Variants in CTNNA2 observed in about 807,000 individuals in gnomAD.
CTNNA2 encodes catenin alpha-2.
CTNNA2 carries 42 observed loss-of-function variants against 101.0 expected under a neutral mutation model. The ratio of observed to expected loss-of-function variants is 0.42; its 90% confidence interval spans 0.32 to 0.54. CTNNA2 has a LOEUF of 0.54. Among genes scored for constraint, CTNNA2 ranks in the 20% least tolerant of loss-of-function variants. The probability of loss-of-function intolerance (pLI) is 0.14; values close to 1 mark genes in which losing one functional copy is unlikely to be tolerated. For synonymous variants in CTNNA2, 450 were observed against 456.4 expected (o/e 0.99, Z 0.18); for missense variants, 871 against 1,223.1 (o/e 0.71, Z 4.29).
At chr2:79,812,701 T>A (rs1323166302) in intron 3 of CTNNA2, among the ~76,000 whole-genome samples, 1 of 152,060 alleles carries the variant, frequency 6.6e-6, no homozygotes, top group Non-Finnish European at 1.5e-5. Flanking sequence ...TATCTAGCAG[T>A]GATATTTGTA....
intron 7 of CTNNA2, among the ~76,000 whole-genome samples, chr2:80,243,222 CT>C (rs1173841317): frequency 5.3e-5 from 8 of 152,148 alleles, no homozygotes; most frequent in Non-Finnish European, 2.9e-5. Context: ...CTGTGTCTTC[CT>C]TTTTCTTCTA....
At chr2:80,606,584 A>T (rs922606959) in intron 16 of CTNNA2, among the ~76,000 whole-genome samples, 1 of 151,894 alleles carries the variant, frequency 6.6e-6, no homozygotes, top group African/African-American at 2.4e-5. Flanking sequence ...CTTCAGAAAA[A>T]AATGTTATCA....
At position 79,411,605 on chromosome 2, in the gene CTNNA2, A is replaced by G. The variant is rs1678411735; in HGVS notation, c.-135+37592A>G. ...GGGCCAATATTCAACATTCTTAAAGAAAAGAATTTTCAACCCAGAATTTCA... is the reference window on the plus strand; with the variant it reads ...GGGCCAATATTCAACATTCTTAAAGGAAAGAATTTTCAACCCAGAATTTCA... On this transcript the variant is annotated intron_variant, in intron 4 of 21. Transcript: ENST00000466387. Among the ~76,000 whole-genome samples, 4 of 152,098 alleles carry G rather than the reference A, an allele frequency of 2.6e-5. No homozygotes were observed. The South Asian group carries it at 8.3e-4, about 31-fold the overall frequency.
At chr2:79,871,901 G>A (rs2104037724) in intron 5 of CTNNA2, among the ~76,000 whole-genome samples, 1 of 152,272 alleles carries the variant, frequency 6.6e-6, no homozygotes, top group East Asian at 1.9e-4. Context: ...ATATGAAAAT[G>A]CCTACATTAT....
chr2:80,247,993 A>G (rs2149101253), intron 7 of CTNNA2, among the ~76,000 whole-genome samples: 1 of 150,280 alleles, frequency 6.7e-6, no homozygotes, highest in South Asian at 2.1e-4. Flanking sequence ...TAAAATTGGT[A>G]CCTCTATCAT....
At position 80,122,136 on chromosome 2, in the gene CTNNA2, T is replaced by C. The variant is rs1189569625; in HGVS notation, c.1056+212339T>C. 2.0e-5 allele frequency among the ~76,000 whole-genome samples: 3 copies of C among 152,036 alleles called. No individual in the cohort carries two copies. In the East Asian group the frequency reaches 5.8e-4, roughly 30 times the overall value. On this transcript the variant is annotated intron_variant, in intron 7 of 18. Coordinates refer to ENST00000402739, the MANE Select transcript of CTNNA2 (RefSeq NM_001282597.3). Reference sequence around the variant, plus strand: ...ACCTTTTTTTCTGTAAGGAATTACGTGGCTCTGGGTTGGAGCTTGGAATCT... The same window carrying C: ...ACCTTTTTTTCTGTAAGGAATTACGCGGCTCTGGGTTGGAGCTTGGAATCT...
intron 7 of CTNNA2, among the ~76,000 whole-genome samples, chr2:79,999,014 T>C (rs1692745616): frequency 1.3e-5 from 2 of 152,194 alleles, no homozygotes; most frequent in South Asian, 4.1e-4. Flanking sequence ...CTACTGTTCC[T>C]GGATGTGTTG....
At chr2:80,552,055 A>G (rs957241127) in intron 11 of CTNNA2, among the ~76,000 whole-genome samples, 2 of 152,264 alleles carry the variant, frequency 1.3e-5, no homozygotes, top group Non-Finnish European at 1.5e-5. Flanking sequence ...GAGAGATGGC[A>G]AACGGCCGTC....
chr2:79,724,438 G>T (rs554834487), intron 2 of CTNNA2, among the ~76,000 whole-genome samples: 4 of 152,088 alleles, frequency 2.6e-5, no homozygotes, highest in African/African-American at 9.6e-5. Context: ...CAGGAGGATG[G>T]TCTGCTGTTC....
intron 2 of CTNNA2, among the ~76,000 whole-genome samples, chr2:79,217,731 G>A (rs1674285033): frequency 6.6e-6 from 1 of 152,142 alleles, no homozygotes; most frequent in African/African-American, 2.4e-5. Flanking sequence ...GATTCTAGAG[G>A]AAATCAAAGC....
chr2:80,061,260 G>T (rs1352751810), intron 7 of CTNNA2, among the ~76,000 whole-genome samples: 1 of 151,964 alleles, frequency 6.6e-6, no homozygotes, highest in Non-Finnish European at 1.5e-5. Flanking sequence ...AAAACAAGAG[G>T]CAAAACTGTG....
rs374958976 is a variant in CTNNA2, at chr2:79,660,892, A to T, written c.102+9234A>T. 5.9e-5 allele frequency among the ~76,000 whole-genome samples: 9 copies of T among 152,352 alleles called. No individual in the cohort carries two copies. In the East Asian group the frequency reaches 1.2e-3, roughly 20 times the overall value. On this transcript the variant is annotated intron_variant, in intron 2 of 18. Coordinates refer to ENST00000402739, the MANE Select transcript of CTNNA2 (RefSeq NM_001282597.3). ...GGGCTTAAACTAGTATAAACATGGA[A>T]TTATGTAATGCATGTATGTTTATCC...
chr2:79,208,021 AG>A (rs1674122865), intron 2 of CTNNA2, among the ~76,000 whole-genome samples: 1 of 152,172 alleles, frequency 6.6e-6, no homozygotes, highest in Non-Finnish European at 1.5e-5. Context: ...TTAGCCACCA[AG>A]GTCTACTCTG....
At chr2:80,169,088 A>C (rs1704881724) in intron 7 of CTNNA2, among the ~76,000 whole-genome samples, 1 of 152,174 alleles carries the variant, frequency 6.6e-6, no homozygotes, top group South Asian at 2.1e-4. Context: ...GCACCACACT[A>C]TGGGTACCAA....
Position 79,197,063 on chromosome 2 carries a change from T to A in CTNNA2, c.-523-896T>A, listed in dbSNP as rs568899071. 8.1e-3 allele frequency among the ~76,000 whole-genome samples: 1,237 copies of A among 152,358 alleles called. 11 individuals carry two copies. The highest frequency in any genetic ancestry group is 0.013 in the Non-Finnish European group (915 of 68,034). ...TGTGATACCAGCCCTTAGGAAAAACTTTTGTGATCATTTCTTCAAAGCTTG... is the reference window on the plus strand; with the variant it reads ...TGTGATACCAGCCCTTAGGAAAAACATTTGTGATCATTTCTTCAAAGCTTG... On this transcript the variant is annotated intron_variant, in intron 1 of 21. Transcript: ENST00000466387.
At chr2:79,672,042 A>C (rs72923387) in intron 2 of CTNNA2, among the ~76,000 whole-genome samples, 6,020 of 152,190 alleles carry the variant, frequency 0.04, 393 homozygotes, top group African/African-American at 0.14. Context: ...TTCTTATTTT[A>C]TTTTATTTTT....
In CTNNA2 at chr2:80,378,131, C is replaced by T. The variant is rs911811016; in HGVS notation, c.1057-15080C>T. On this transcript the variant is annotated intron_variant, in intron 7 of 18. Coordinates refer to ENST00000402739, the MANE Select transcript of CTNNA2 (RefSeq NM_001282597.3). Reference sequence around the variant, plus strand: ...CAGCACTTTGGTAGGCCGAGGTGGGCGAATCACGAGGTCAGGAGTTTGAGA... The same window carrying T: ...CAGCACTTTGGTAGGCCGAGGTGGGTGAATCACGAGGTCAGGAGTTTGAGA... Among the ~76,000 whole-genome samples the T allele has an allele frequency of 5.9e-5, 9 of 151,850 alleles. No homozygotes were observed. The East Asian group carries it at 9.7e-4, about 16-fold the overall frequency.
chr2:79,241,948 C>T (rs1003934609), intron 2 of CTNNA2, among the ~76,000 whole-genome samples: 1 of 151,740 alleles, frequency 6.6e-6, no homozygotes, highest in Admixed American at 6.6e-5. Context: ...CTCAGTCACC[C>T]AGGCTGGAGT....
intron 3 of CTNNA2, among the ~76,000 whole-genome samples, chr2:79,814,041 G>T (rs1677260538): frequency 6.6e-6 from 1 of 151,980 alleles, no homozygotes; most frequent in Non-Finnish European, 1.5e-5. Context: ...TTGTCACATG[G>T]CAGTCTTCTC....
Sources: allele counts gnomAD v4.1 joint callset (sites outside exome capture counted in the v4.1 genomes callset), GRCh38; gene constraint gnomAD v4.1.1; transcripts MANE v1.5; gene names NCBI Gene and HGNC (gene_info 2026-07-23, HGNC 2026-07-21).